NAXE: variants seen among roughly 807,000 people sequenced by gnomAD.
NAXE encodes NAD(P)HX epimerase.
In NAXE, 25 loss-of-function variants were observed where a neutral mutation model predicts 31.2. The observed-to-expected ratio is 0.80, with a 90% confidence interval of 0.58 to 1.12. The LOEUF is 1.12. Among genes scored for constraint, NAXE ranks in the 50% most tolerant of loss-of-function variants. NAXE has a pLI of 0.00. For synonymous variants in NAXE, 144 were observed against 154.5 expected (o/e 0.93, Z 0.50); for missense variants, 362 against 376.1 (o/e 0.96, Z 0.31).
intron 1 of NAXE, 46 bp downstream of exon 1, chr1:156,592,032 TG>T: frequency 6.2e-7 from 1 of 1,613,254 alleles, no homozygotes; most frequent in Non-Finnish European, 8.5e-7. Context: ...GGGCGGGGCC[TG>T]GGACGGCCGG....
At chr1:156,593,085 G>T (rs889932772) in intron 4 of NAXE, 1 of 417,266 alleles carries the variant, frequency 2.4e-6, no homozygotes, top group African/African-American at 2.0e-5. Flanking sequence ...GTGCAGAGAA[G>T]TGGTTTGCTT....
chr1:156,593,268 C>G, intron 4 of NAXE, 140 bp from the exon 5 acceptor site: 2 of 1,139,210 alleles, frequency 1.8e-6, no homozygotes, highest in Non-Finnish European at 2.4e-6. Context: ...CACACTTTCT[C>G]TAGGCCTCAG....
rs750382723 is a variant in NAXE at position 156,592,395 on chromosome 1, C to T, written c.322C>T (p.Pro108Ser). ...TCCCCCCACGTCCATGTCCAGGAGC[C>T]CCCCTACTGTCCTGGTCATCTGTGG... is the stretch of plus-strand genomic sequence containing the variant. The part of the protein sequence containing the change: ...AYPPTSMSRS[P>S]PTVLVICGPG... Residue 108 changes from proline to serine, a missense_variant, in exon 3 of 6, where the codon CCC becomes TCC. Coordinates refer to ENST00000368235, the MANE Select transcript of NAXE (RefSeq NM_144772.3). 2.5e-6 allele frequency: 4 copies of T among 1,614,166 alleles called. No individual in the cohort carries two copies. Among genetic ancestry groups the T allele is most frequent in the Non-Finnish European group, 3.4e-6 (4 of 1,180,020 alleles).
At chr1:156,593,024 G>C (rs1234638678) in intron 4 of NAXE, 4 of 385,862 alleles carry the variant, frequency 1.0e-5, no homozygotes, top group Non-Finnish European at 1.9e-5. Flanking sequence ...TAAGGGATGG[G>C]AAATTGGGTA....
Position 156,593,932 on chromosome 1 carries a change from A to C in NAXE, c.715A>C (p.Ile239Leu). The C allele has an allele frequency of 6.2e-7, 1 of 1,614,156 alleles. No individual in the cohort carries two copies. The highest frequency in any genetic ancestry group is 8.5e-7 in the Non-Finnish European group (1 of 1,180,018). ...TGGAGGGATCCAGCCAGACTTGCTC[A>C]TATCCCTCACAGCCCCCAAAAAATC... ...NAGGIQPDLL[I>L]SLTAPKKSAT... Residue 239 changes from isoleucine to leucine, a missense_variant, in exon 6 of 6, where the codon ATA becomes CTA. Coordinates refer to ENST00000368235, the MANE Select transcript of NAXE (RefSeq NM_144772.3).
Position 156,592,398 on chromosome 1 carries a change from C to T in NAXE, c.325C>T (p.Pro109Ser). ...YPPTSMSRSP[P>S]TVLVICGPGN... ...CCCCACGTCCATGTCCAGGAGCCCC[C>T]CTACTGTCCTGGTCATCTGTGGCCC... is the stretch of plus-strand genomic sequence containing the variant. The change falls in exon 3 of 6, where the codon CCT (proline) becomes TCT (serine). Residue 109 changes from proline to serine, a missense_variant. By Grantham distance (74) the Pro-to-Ser change is moderately conservative. Transcript: ENST00000368235. 2 of 1,614,204 alleles carry T rather than the reference C, an allele frequency of 1.2e-6. No individual in the cohort carries two copies. The highest frequency in any genetic ancestry group is 1.7e-6 in the Non-Finnish European group (2 of 1,180,040).
At position 156,591,843 on chromosome 1, in the gene NAXE, G is replaced by A; in HGVS notation, c.39G>A (p.Leu13=). ...GGGCGCTGCTGGGCCTCGGGCTGCT[G>A]GTTGCGGGCTCGCGCGTGCCGCGGA... ...RLRALLGLGL[L]VAGSRVPRIK... The change falls in exon 1 of 6, where the codon CTG becomes CTA. Residue 13 remains leucine (L), a synonymous_variant. Transcript: ENST00000368235. The A allele has an allele frequency of 6.2e-7, 1 of 1,609,868 alleles. No individual in the cohort carries two copies. The highest frequency in any genetic ancestry group is 8.5e-7 in the Non-Finnish European group (1 of 1,179,318).
chr1:156,592,001 C>G lies in NAXE; in HGVS notation c.182+15C>G, dbSNP rs2102489020. On this transcript the variant is annotated intron_variant, in intron 1 of 5. Transcript: ENST00000368235. The stretch of plus-strand genomic sequence containing the variant: ...AAGTACCTGAGGTAGGCACGGGTCT[C>G]GGGTGGCCTGCTCTGCCCCGGGGCG... 1 of 1,613,452 alleles carries G rather than the reference C, an allele frequency of 6.2e-7. No homozygotes were observed. Among genetic ancestry groups the G allele is most frequent in the Non-Finnish European group, 8.5e-7 (1 of 1,179,756 alleles).
In NAXE at chr1:156,594,073, C is replaced by T. The variant is rs373876196; in HGVS notation, c.856C>T (p.Arg286Cys). The change falls in exon 6 of 6, where the codon CGT becomes TGT. Residue 286 changes from arginine (R) to cysteine (C), a missense_variant. Physicochemically the swap from Arg to Cys is radical, Grantham distance 180 (BLOSUM62 -3). Coordinates refer to ENST00000368235, the MANE Select transcript of NAXE (RefSeq NM_144772.3). Reference protein sequence around the residue: ...PPYPDTECVYRLQ With the variant: ...PPYPDTECVYCLQ The stretch of plus-strand genomic sequence containing the variant: ...CTACCCTGACACCGAGTGTGTCTAT[C>T]GTCTGCAGTGAGGGAAGGTGGGTGG... 35 of 1,613,782 alleles carry T rather than the reference C, an allele frequency of 2.2e-5. No individual in the cohort carries two copies. Among genetic ancestry groups the T allele is most frequent in the African/African-American group, 2.7e-5 (2 of 74,880 alleles).
At chr1:156,593,776 C>T in intron 5 of NAXE, 106 bp from the exon 6 acceptor site, 1 of 1,379,444 alleles carries the variant, frequency 7.2e-7, no homozygotes, top group Non-Finnish European at 1.0e-6. Flanking sequence ...GAGAGTTCCT[C>T]AGGTGGGAAC....
chr1:156,593,794 A>G (rs1384225572), intron 5 of NAXE, 88 bp from the exon 6 acceptor site: 6 of 1,464,656 alleles, frequency 4.1e-6, no homozygotes, highest in Non-Finnish European at 5.6e-6. Context: ...AACTGAGGGG[A>G]CTTCCCACTC....
At chr1:156,593,620 C>A in intron 5 of NAXE, 65 bp downstream of exon 5, 1 of 1,598,910 alleles carries the variant, frequency 6.3e-7, no homozygotes, top group Non-Finnish European at 8.6e-7. Context: ...CTTGCCCACA[C>A]CAGGTCTAAA....
intron 4 of NAXE, chr1:156,592,989 A>C: frequency 2.4e-6 from 1 of 420,184 alleles, no homozygotes; most frequent in South Asian, 3.5e-5. Context: ...GCCCTATCTG[A>C]AACCCTTCCT....
chr1:156,592,277 A>G, intron 2 of NAXE, 68 bp downstream of exon 2: 1 of 1,603,640 alleles, frequency 6.2e-7, no homozygotes, highest in South Asian at 1.1e-5. Context: ...CCCCTGGCCT[A>G]GGCACAAAGG....
chr1:156,592,137 T>A lies in NAXE; in HGVS notation c.219T>A (p.Phe73Leu). 6 of 1,614,216 alleles carry A rather than the reference T, an allele frequency of 3.7e-6. No homozygotes were observed. The South Asian group carries it at 6.6e-5, about 18-fold the overall frequency. Reference sequence around the variant, plus strand: ...CCCAGGCCGTGGACCAGGAGCTATTTAACGAATACCAGTTCAGCGTGGACC... The same window carrying A: ...CCCAGGCCGTGGACCAGGAGCTATTAAACGAATACCAGTTCAGCGTGGACC... Reference protein sequence around the residue: ...EEAQAVDQELFNEYQFSVDQL... With the variant: ...EEAQAVDQELLNEYQFSVDQL... Residue 73 changes from phenylalanine to leucine, a missense_variant, in exon 2 of 6, where the codon TTT becomes TTA. Phe to Leu is a conservative substitution (Grantham distance 22). Coordinates refer to ENST00000368235, the MANE Select transcript of NAXE (RefSeq NM_144772.3).
chr1:156,593,370 G>T, intron 4 of NAXE, 38 bp from the exon 5 acceptor site: 1 of 1,594,728 alleles, frequency 6.3e-7, no homozygotes, highest in Non-Finnish European at 8.6e-7. Context: ...TGTTTGTGCA[G>T]CTGCTGGCTC....
Position 156,594,065 on chromosome 1 carries a change from G to A in NAXE, c.848G>A (p.Cys283Tyr). 6.2e-7 allele frequency: 1 copy of A among 1,614,042 alleles called. No individual in the cohort carries two copies. Reference protein sequence around the residue: ...LNLPPYPDTECVYRLQ With the variant: ...LNLPPYPDTEYVYRLQ ...CTGCCACCCTACCCTGACACCGAGTGTGTCTATCGTCTGCAGTGAGGGAAG... is the reference window on the plus strand; with the variant it reads ...CTGCCACCCTACCCTGACACCGAGTATGTCTATCGTCTGCAGTGAGGGAAG... Residue 283 changes from cysteine to tyrosine, a missense_variant, in exon 6 of 6, where the codon TGT becomes TAT. By Grantham distance (194) the Cys-to-Tyr change is radical (BLOSUM62 -2). Coordinates refer to ENST00000368235, the MANE Select transcript of NAXE (RefSeq NM_144772.3).
chr1:156,592,497 G>GT, intron 3 of NAXE, 22 bp downstream of exon 3: 1 of 1,613,606 alleles, frequency 6.2e-7, no homozygotes, highest in Non-Finnish European at 8.5e-7. Context: ...GGGAGGGGCT[G>GT]TGGGGGAGGA....
At chr1:156,592,026 G>A in intron 1 of NAXE, 40 bp downstream of exon 1, 1 of 1,613,474 alleles carries the variant, frequency 6.2e-7, no homozygotes, top group Non-Finnish European at 8.5e-7. Flanking sequence ...GCCCCGGGGC[G>A]GGGCCTGGGA....
Sources: gnomAD v4.1 joint callset for allele counts on GRCh38, gnomAD v4.1.1 for gene constraint, MANE v1.5 for transcripts, NCBI Gene and HGNC (gene_info 2026-07-23, HGNC 2026-07-21) for gene names.